Variants in NHS observed in about 807,000 individuals in gnomAD.
NHS encodes NHS actin remodeling regulator.
In NHS, 5 loss-of-function variants were observed where a neutral mutation model predicts 72.5. That is an observed-to-expected ratio of 0.07 (90% CI 0.04 to 0.14). NHS has a LOEUF of 0.14. Among genes scored for constraint, NHS ranks in the 10% least tolerant of loss-of-function variants. The pLI is 1.00. For missense variants in NHS, 1,072 were observed against 1,355.7 expected (o/e 0.79, Z 3.29); for synonymous variants, 464 against 547.7 (o/e 0.85, Z 2.13).
chrX:17,721,456 G>T lies in NHS; in HGVS notation c.931G>T (p.Asp311Tyr), dbSNP rs1212834044. ...TTGTTTGCAGTCCCATCCCCCAGAG[G>T]ATGAAGATACAGATGTCATGTTAGG... ...PWSRKSHPPE[D>Y]EDTDVMLGQR... The change falls in exon 5 of 9, where the codon GAT becomes TAT. Residue 311 changes from aspartate to tyrosine, a missense_variant. By Grantham distance (160) the Asp-to-Tyr change is radical. Transcript: ENST00000676302. 1.7e-6 allele frequency: 2 copies of T among 1,211,340 alleles called. No homozygotes were observed. The highest frequency in any genetic ancestry group is 2.2e-6 in the Non-Finnish European group (2 of 895,320).
chrX:17,523,633 CAG>C (rs909880890), intron 1 of NHS, among the ~76,000 whole-genome samples: 11 of 111,548 alleles, frequency 9.9e-5, no homozygotes, highest in African/African-American at 3.6e-4. Context: ...AGAGGGAAAA[CAG>C]ATAGGGCGGC....
intron 1 of NHS, among the ~76,000 whole-genome samples, chrX:17,537,588 C>G (rs1351145633): frequency 1.8e-5 from 2 of 112,116 alleles, no homozygotes; most frequent in Non-Finnish European, 3.8e-5. Flanking sequence ...AGTATCAGGT[C>G]CCCCCAAAAT....
chrX:17,539,177 G>C, intron 1 of NHS, among the ~76,000 whole-genome samples: 1 of 111,437 alleles, frequency 9.0e-6, no homozygotes, highest in Non-Finnish European at 1.9e-5. Flanking sequence ...CCTCTGCCTG[G>C]AATGCTTTCC....
At chrX:17,407,201 A>G (rs1310172107) in intron 1 of NHS, among the ~76,000 whole-genome samples, 2 of 111,791 alleles carry the variant, frequency 1.8e-5, no homozygotes, top group Non-Finnish European at 3.8e-5. Context: ...TTAATGTAGT[A>G]AATCCAGAGT....
chrX:17,408,691 A>G, intron 1 of NHS, among the ~76,000 whole-genome samples: 1 of 111,526 alleles, frequency 9.0e-6, no homozygotes, highest in African/African-American at 3.3e-5. Context: ...TTTTCCAAGT[A>G]ATTACCAACT....
chrX:17,714,134 G>A (rs1202542555), intron 3 of NHS, among the ~76,000 whole-genome samples: 1 of 109,311 alleles, frequency 9.1e-6, no homozygotes, highest in East Asian at 2.8e-4. Flanking sequence ...TCTGGAAAAG[G>A]AGGAGGAAAT....
At chrX:17,681,141 G>C (rs2066126526) in intron 1 of NHS, among the ~76,000 whole-genome samples, 1 of 111,533 alleles carries the variant, frequency 9.0e-6, no homozygotes, top group Admixed American at 9.5e-5. Flanking sequence ...CTCAAAGAGT[G>C]ATCTTTAGTA....
At chrX:17,396,288 C>T (rs933038124) in intron 1 of NHS, among the ~76,000 whole-genome samples, 1 of 111,327 alleles carries the variant, frequency 9.0e-6, no homozygotes, top group Non-Finnish European at 1.9e-5. Context: ...TTGTGTGGTA[C>T]GTTCTGATAT....
At chrX:17,576,121 C>A (rs961808707) in intron 1 of NHS, among the ~76,000 whole-genome samples, 1 of 111,291 alleles carries the variant, frequency 9.0e-6, no homozygotes, top group African/African-American at 3.3e-5. Context: ...GAATGTTATT[C>A]CCTGAATAGC....
chrX:17,693,341 G>C (rs2066208472), intron 3 of NHS, among the ~76,000 whole-genome samples: 1 of 112,391 alleles, frequency 8.9e-6, no homozygotes, highest in African/African-American at 3.2e-5. Context: ...TCATTGAAGT[G>C]AGGGACTATG....
chrX:17,438,083 G>C (rs1471503648), intron 1 of NHS, among the ~76,000 whole-genome samples: 1 of 112,471 alleles, frequency 8.9e-6, no homozygotes, highest in East Asian at 2.8e-4. Flanking sequence ...ATGCGGGTTT[G>C]TGTATTGTTT....
At chrX:17,520,179 T>C (rs894280090) in intron 1 of NHS, among the ~76,000 whole-genome samples, 4 of 111,988 alleles carry the variant, frequency 3.6e-5, no homozygotes, top group Non-Finnish European at 7.5e-5. Context: ...AGGGAATAAT[T>C]TTGCAAGGTT....
At chrX:17,413,755 TAGAC>T (rs201833795) in intron 1 of NHS, among the ~76,000 whole-genome samples, 1,787 of 111,843 alleles carry the variant, frequency 0.016, 15 homozygotes, top group Non-Finnish European at 0.027. Context: ...GTTGAAATGA[TAGAC>T]AGTTTCAAAA....
chrX:17,595,314 G>A (rs1456580088), intron 1 of NHS, among the ~76,000 whole-genome samples: 4 of 111,712 alleles, frequency 3.6e-5, no homozygotes, highest in Non-Finnish European at 7.5e-5. Flanking sequence ...TGAGCCATCT[G>A]CTGCTGAAGT....
chrX:17,663,948 A>C (rs2065995475), intron 1 of NHS, among the ~76,000 whole-genome samples: 1 of 111,959 alleles, frequency 8.9e-6, no homozygotes, highest in African/African-American at 3.2e-5. Context: ...TGTGATGACA[A>C]ATAATGCTGA....
chrX:17,622,829 G>C (rs1022333922), intron 1 of NHS, among the ~76,000 whole-genome samples: 25 of 111,704 alleles, frequency 2.2e-4, no homozygotes, highest in African/African-American at 7.8e-4. Context: ...CTAGCAGTCA[G>C]GATCATCAGA....
In NHS at chrX:17,732,321, C is replaced by A. The variant is rs370208884; in HGVS notation, c.4813C>A (p.Arg1605=). 1.2e-5 allele frequency: 15 copies of A among 1,212,465 alleles called. No homozygotes were observed. The highest frequency in any genetic ancestry group is 1.7e-5 in the Non-Finnish European group (15 of 895,670). The part of the protein sequence containing the change: ...TSASARVGRS[R]APPAASSSRY... ...AGCATCAGCAAGGGTTGGACGTTCTCGGGCCCCTCCTGCAGCCAGCAGCAG... is the reference window on the plus strand; with the variant it reads ...AGCATCAGCAAGGGTTGGACGTTCTAGGGCCCCTCCTGCAGCCAGCAGCAG... The change falls in exon 9 of 9, where the codon CGG becomes AGG. Residue 1605 remains arginine (R), a synonymous_variant. Transcript: ENST00000676302.
At chrX:17,693,617 T>C (rs1473889403) in intron 3 of NHS, among the ~76,000 whole-genome samples, 1 of 112,658 alleles carries the variant, frequency 8.9e-6, no homozygotes, top group Non-Finnish European at 1.9e-5. Flanking sequence ...TGAACCCACA[T>C]GATATAACAT....
intron 8 of NHS, among the ~76,000 whole-genome samples, chrX:17,731,224 CTTTTTTTTTTTTTT>C (rs142686353): frequency 1.1e-3 from 39 of 34,847 alleles, no homozygotes; most frequent in African/African-American, 4.8e-3. Flanking sequence ...TAGTTTCTTC[CTTTTTTTTTTTTTT>C]TTTTTTTTTT....
Sources: gnomAD v4.1 joint callset for allele counts (sites outside exome capture counted in the v4.1 genomes callset) on GRCh38, gnomAD v4.1.1 for gene constraint, MANE v1.5 for transcripts, NCBI Gene and HGNC (gene_info 2026-07-23, HGNC 2026-07-21) for gene names.